The following RAG1 variants were observed in gnomAD, a reference collection of about 807,000 sequenced individuals.
RAG1 encodes the protein recombination activating 1.
In RAG1, 35 loss-of-function variants were observed where a neutral mutation model predicts 62.7. The observed-to-expected ratio is 0.56, with a 90% CI of 0.43 to 0.74. RAG1 has a LOEUF of 0.74. RAG1 is among the 30% of genes least tolerant of loss of function. The probability of loss-of-function intolerance (pLI) is 0.00; values close to 1 mark genes in which losing one functional copy is unlikely to be tolerated. For synonymous variants in RAG1, 461 were observed against 470.3 expected, an observed-to-expected ratio of 0.98 and a Z score of 0.26; for missense variants, 1,169 against 1,278.6, an observed-to-expected ratio of 0.91 and a Z score of 1.31.
At chr11:36,521,484 C>T (rs536561372) in intron 2 of RAG1, among the ~76,000 whole-genome samples, 1 of 152,242 alleles carries the variant, frequency 6.6e-6, no homozygotes, top group African/African-American at 2.4e-5. Context: ...GTGAGGCCTC[C>T]CCAGCTAAGT....
chr11:36,536,267 G>C (rs1860324931), downstream of RAG1, among the ~76,000 whole-genome samples: 1 of 152,058 alleles, frequency 6.6e-6, no homozygotes, highest in Non-Finnish European at 1.5e-5. Flanking sequence ...AGTAAATTTT[G>C]ATATATTATA....
intron 1 of RAG1, among the ~76,000 whole-genome samples, chr11:36,516,718 A>G (rs1189710746): frequency 1.3e-5 from 2 of 152,216 alleles, no homozygotes; most frequent in African/African-American, 4.8e-5. Context: ...TTCTGGACAC[A>G]TTTTTGAAAA....
chr11:36,528,151 C>T (rs1173172931), intron 2 of RAG1, among the ~76,000 whole-genome samples: 1 of 152,142 alleles, frequency 6.6e-6, no homozygotes, highest in Non-Finnish European at 1.5e-5. Context: ...ACCTCATAGA[C>T]ATCTACAGAA....
At chr11:36,539,249 C>T (rs775684595), downstream of RAG1, among the ~76,000 whole-genome samples, 2 of 152,118 alleles carry the variant, frequency 1.3e-5, no homozygotes, top group Non-Finnish European at 2.9e-5. Flanking sequence ...AAGAACACAG[C>T]GAGAAGGCAG....
chr11:36,575,837 A>G lies in RAG1; in HGVS notation c.2533A>G (p.Asn845Asp). ...GGACAAGCATCTCCGGAAGAAGATG[A>G]ACCTCAAACCAATCATGAGGATGAA... ...TLDKHLRKKM[N>D]LKPIMRMNGN... The change falls in exon 2 of 2, where the codon AAC (asparagine) becomes GAC (aspartate). Residue 845 changes from asparagine (N) to aspartate (D), a missense_variant. Physicochemically the swap from Asn to Asp is conservative, Grantham distance 23. Transcript: ENST00000299440. This position sits in a 1 kb window ranked among gnomAD's most constrained non-coding sequence, Gnocchi z 4.1. 2 of 1,614,228 alleles carry G rather than the reference A, an allele frequency of 1.2e-6. No individual in the cohort carries two copies. The highest frequency in any genetic ancestry group is 1.7e-6 in the Non-Finnish European group (2 of 1,180,042).
intron 2 of RAG1, among the ~76,000 whole-genome samples, chr11:36,530,804 T>C (rs1860241906): frequency 6.6e-6 from 1 of 152,002 alleles, no homozygotes. Context: ...TGGAGTGCTC[T>C]GTAAATGTTG....
rs767579422 is a variant in RAG1 at position 36,575,364 on chromosome 11, G to A, written c.2060G>A (p.Ser687Asn). 1.9e-6 allele frequency: 3 copies of A among 1,614,154 alleles called. No homozygotes were observed. Among genetic ancestry groups the A allele is most frequent in the African/African-American group, 2.7e-5 (2 of 75,040 alleles). Reference sequence around the variant, plus strand: ...ATTGCTGAGAGGGAGGCCATGAAGAGCAGTGAATTAATGCTTGAGCTGGGA... The same window carrying A: ...ATTGCTGAGAGGGAGGCCATGAAGAACAGTGAATTAATGCTTGAGCTGGGA... ...PLIAEREAMK[S>N]SELMLELGGI... Residue 687 changes from serine (S) to asparagine (N), a missense_variant, in exon 2 of 2, where the codon AGC becomes AAC. This residue lies in a region of RAG1 where 800 missense variants were observed against 943.3 expected (regional missense o/e 0.85). Transcript: ENST00000299440. This position sits in a 1 kb window ranked among gnomAD's most constrained non-coding sequence, Gnocchi z 4.1.
chr11:36,539,502 C>T (rs369904058), downstream of RAG1, among the ~76,000 whole-genome samples: 6 of 152,004 alleles, frequency 3.9e-5, no homozygotes, highest in Non-Finnish European at 5.9e-5. Flanking sequence ...TTAGTTTTTT[C>T]GAGACAGAGT....
chr11:36,569,003 C>T (rs1340451876), intron 1 of RAG1, among the ~76,000 whole-genome samples: 1 of 152,224 alleles, frequency 6.6e-6, no homozygotes, highest in East Asian at 1.9e-4. Flanking sequence ...AGAGGTCACA[C>T]TTGAGCACAC....
chr11:36,511,489 A>G (rs577386322), intron 1 of RAG1, among the ~76,000 whole-genome samples: 1 of 152,156 alleles, frequency 6.6e-6, no homozygotes, highest in Non-Finnish European at 1.5e-5. Context: ...ACCCAAAACT[A>G]GGACATAGTA....
At position 36,549,663 on chromosome 11, in the gene RAG1, G is replaced by A. The variant is rs569303041; in HGVS notation, c.-412+13629G>A. ...GAATAGGAACTCTTTTACATGGTTG[G>A]TGGGAGTGTAAATTAGTTCAACTGT... is the stretch of plus-strand genomic sequence containing the variant. On this transcript the variant is annotated intron_variant and NMD_transcript_variant, in intron 3 of 9. Coordinates refer to the RAG1 transcript ENST00000534663. Among the ~76,000 whole-genome samples, 58 of 152,352 alleles carry A rather than the reference G, an allele frequency of 3.8e-4. 1 individual carries two copies. In the South Asian group the frequency reaches 0.012, roughly 30 times the overall value.
At chr11:36,557,858 C>G (rs550901005) in intron 3 of RAG1, among the ~76,000 whole-genome samples, 14 of 152,242 alleles carry the variant, frequency 9.2e-5, no homozygotes, top group Admixed American at 5.9e-4. Context: ...TATGACCTTT[C>G]ATGTGTCTGT....
At chr11:36,518,854 C>A (rs1321080323) in intron 1 of RAG1, among the ~76,000 whole-genome samples, 3 of 152,106 alleles carry the variant, frequency 2.0e-5, no homozygotes, top group Non-Finnish European at 2.9e-5. Flanking sequence ...TAATTAGATC[C>A]CATTTGTCAA....
intron 2 of RAG1, among the ~76,000 whole-genome samples, chr11:36,534,050 A>G (rs191676887): frequency 6.1e-4 from 93 of 152,218 alleles, no homozygotes; most frequent in Admixed American, 1.0e-3. Context: ...TGAAAAACTC[A>G]TTGGTTAAAA....
At chr11:36,538,569 A>T (rs959133018), downstream of RAG1, among the ~76,000 whole-genome samples, 6 of 152,198 alleles carry the variant, frequency 3.9e-5, no homozygotes, top group Non-Finnish European at 8.8e-5. Flanking sequence ...AAACAAATAC[A>T]TGTTCATTGA....
intron 1 of RAG1, among the ~76,000 whole-genome samples, chr11:36,570,529 A>G (rs1456867809): frequency 6.6e-6 from 1 of 152,202 alleles, no homozygotes; most frequent in African/African-American, 2.4e-5. Flanking sequence ...TCCTTTGGAT[A>G]AATACCCAGT....
At chr11:36,569,498 C>T (rs1264748652) in intron 1 of RAG1, among the ~76,000 whole-genome samples, 2 of 152,188 alleles carry the variant, frequency 1.3e-5, no homozygotes, top group African/African-American at 2.4e-5. Context: ...CATATTTTAG[C>T]CTGCTTTCTC....
At position 36,574,392 on chromosome 11, in the gene RAG1, GC is replaced by G. The variant is rs1359359513; in HGVS notation, c.1089del (p.Cys363Ter). 2 of 1,614,108 alleles carry G rather than the reference GC, an allele frequency of 1.2e-6. No homozygotes were observed. The highest frequency in any genetic ancestry group is 2.7e-5 in the African/African-American group (2 of 74,928). The part of the protein sequence containing the change: ...SLMVKCPAKE[C>X]NEEVSLEKYN... ...ATGGTGAAATGTCCAGCAAAAGAGT[GC>G]AATGAGGAGGTCAGTTTGGAAAAAT... is the stretch of plus-strand genomic sequence containing the variant. On this transcript the variant is annotated frameshift_variant, in exon 2 of 2. Coordinates refer to ENST00000299440, the MANE Select transcript of RAG1 (RefSeq NM_000448.3). LOFTEE classifies it high-confidence loss of function.
Position 36,518,002 on chromosome 11 carries a change from C to T in RAG1, n.331-2130C>T, listed in dbSNP as rs183999399. On this transcript the variant is annotated intron_variant and non_coding_transcript_variant, in intron 1 of 2. Transcript: ENST00000529126. Reference sequence around the variant, plus strand: ...ATCCCTCCCCCCTCCCCCCACCCCACAACAGTTCCCGGTGTGTGATGTTCC... The same window carrying T: ...ATCCCTCCCCCCTCCCCCCACCCCATAACAGTTCCCGGTGTGTGATGTTCC... Among the ~76,000 whole-genome samples, 620 of 125,152 alleles carry T rather than the reference C, an allele frequency of 5.0e-3. 3 individuals carry two copies. The highest frequency in any genetic ancestry group is 7.7e-3 in the Non-Finnish European group (476 of 61,816). The allele number at this position is 125,152 out of a possible 152,430, so 82.1% of individuals were successfully genotyped here. A position where few individuals can be genotyped will look rare whatever the true frequency, so the allele number is the denominator to read the frequency against.
Sources: allele counts gnomAD v4.1 joint callset (sites outside exome capture counted in the v4.1 genomes callset), GRCh38; gene constraint gnomAD v4.1.1; regional missense constraint gnomAD v4.1.1; non-coding constraint Gnocchi (gnomAD v3.1); transcripts MANE v1.5; gene names NCBI Gene and HGNC (gene_info 2026-07-23, HGNC 2026-07-21).